DOCK1: variants seen among roughly 807,000 people sequenced by gnomAD.
DOCK1 encodes the protein dedicator of cytokinesis 1, also known as dedicator of cytokinesis protein 1.
Under a neutral mutation model 262.7 loss-of-function variants are expected in DOCK1, and 138 were observed. The observed-to-expected ratio is 0.53, with a 90% CI of 0.46 to 0.61. The LOEUF is 0.61. DOCK1 is among the 20% of genes least tolerant of loss of function. The pLI, the probability that DOCK1 is intolerant of heterozygous loss-of-function variation, is 0.00. For synonymous variants in DOCK1, 866 were observed against 867.4 expected, an observed-to-expected ratio of 1.00 and a Z score of 0.03; for missense variants, 1,908 against 2,370.7, an observed-to-expected ratio of 0.80 and a Z score of 4.05.
At chr10:127,093,413 A>G (rs1433260494) in intron 23 of DOCK1, among the ~76,000 whole-genome samples, 1 of 150,590 alleles carries the variant, frequency 6.6e-6, no homozygotes, top group African/African-American at 2.4e-5. Context: ...GTGCAGTGGC[A>G]TGATCTCAGC....
chr10:127,164,651 G>A (rs1364624187), intron 27 of DOCK1, among the ~76,000 whole-genome samples: 2 of 152,208 alleles, frequency 1.3e-5, no homozygotes, highest in Non-Finnish European at 2.9e-5. Context: ...CAAATACAGA[G>A]ATGAACACTA....
chr10:127,225,465 A>G (rs1381950615), intron 27 of DOCK1, among the ~76,000 whole-genome samples: 1 of 152,208 alleles, frequency 6.6e-6, no homozygotes, highest in Admixed American at 6.5e-5. Context: ...ATGACACAAC[A>G]TAGGTTGTAA....
At position 127,382,821 on chromosome 10, in the gene DOCK1, G is replaced by A. The variant is rs143514706; in HGVS notation, c.3807+1453G>A. Among the ~76,000 whole-genome samples the A allele has an allele frequency of 9.3e-4, 141 of 152,224 alleles. 1 individual carries two copies. The highest frequency in any genetic ancestry group is 3.1e-3 in the African/African-American group (127 of 41,530). On this transcript the variant is annotated intron_variant, in intron 37 of 51. Coordinates refer to ENST00000623213, the MANE Select transcript of DOCK1 (RefSeq NM_001290223.2). The stretch of plus-strand genomic sequence containing the variant: ...GTAAAACATATATATGTGCATAAAG[G>A]CATCATTTGTTTAATCATTGGATTT...
intron 29 of DOCK1, among the ~76,000 whole-genome samples, chr10:127,330,834 G>GTGAT (rs1282174312): frequency 6.6e-6 from 1 of 152,218 alleles, no homozygotes; most frequent in East Asian, 1.9e-4. Context: ...ACACACATGT[G>GTGAT]TGATTGAGCC....
At chr10:127,389,541 G>A (rs2066343905) in intron 38 of DOCK1, among the ~76,000 whole-genome samples, 1 of 152,200 alleles carries the variant, frequency 6.6e-6, no homozygotes, top group Non-Finnish European at 1.5e-5. Flanking sequence ...GGAGGGCCTT[G>A]ATTGGTGTGG....
rs765719247 is a variant in DOCK1 at position 127,439,256 on chromosome 10, G to C, written c.5259+31G>C. 6.3e-6 allele frequency: 10 copies of C among 1,584,572 alleles called. No homozygotes were observed. In the East Asian group the frequency reaches 2.3e-4, roughly 36 times the overall value. ...CCGACAGGGTATCTTTCCTCGCTCT[G>C]CGGTAGCTTCAGGGACCTACCTTTG... On this transcript the variant is annotated intron_variant, in intron 49 of 51. Transcript: ENST00000623213.
chr10:126,989,489 G>C (rs1339139905), intron 5 of DOCK1, among the ~76,000 whole-genome samples: 1 of 151,984 alleles, frequency 6.6e-6, no homozygotes, highest in Admixed American at 6.6e-5. Context: ...ACCATGCTCA[G>C]CTAATTTTTT....
chr10:127,048,112 C>T (rs181882281), intron 21 of DOCK1, among the ~76,000 whole-genome samples: 23 of 152,270 alleles, frequency 1.5e-4, no homozygotes, highest in African/African-American at 5.3e-4. Flanking sequence ...AAGGGTTGTA[C>T]CATATTGCAT....
chr10:127,327,340 G>C (rs529086847), intron 29 of DOCK1, among the ~76,000 whole-genome samples: 1 of 152,190 alleles, frequency 6.6e-6, no homozygotes, highest in Non-Finnish European at 1.5e-5. Context: ...GTCTTCTGGA[G>C]AACTTGCTGC....
chr10:127,090,129 T>C (rs1036605641), intron 23 of DOCK1, among the ~76,000 whole-genome samples: 2 of 152,248 alleles, frequency 1.3e-5, no homozygotes, highest in East Asian at 1.9e-4. Flanking sequence ...TCTGGCTTCC[T>C]GGGATTTTTT....
At chr10:126,948,715 G>A (rs917462598) in intron 1 of DOCK1, among the ~76,000 whole-genome samples, 2 of 151,944 alleles carry the variant, frequency 1.3e-5, no homozygotes, top group Non-Finnish European at 2.9e-5. Flanking sequence ...TGATGCGGGC[G>A]CCCAGCTGTG....
rs1425224820 is a variant in DOCK1, at chr10:127,175,913, T to C, written c.2847+48149T>C. 6.2e-7 allele frequency: 1 copy of C among 1,614,168 alleles called. No homozygotes were observed. Among genetic ancestry groups the C allele is most frequent in the Admixed American group, 1.7e-5 (1 of 60,008 alleles). ...TCTTGTGCACCCGCCCCGCGCCACA[T>C]GGCCGGGCCTCCTCCATGGGTCCAG... On this transcript the variant is annotated intron_variant, in intron 27 of 51. Coordinates refer to ENST00000623213, the MANE Select transcript of DOCK1 (RefSeq NM_001290223.2). This position sits in a 1 kb window ranked among gnomAD's most constrained non-coding sequence, Gnocchi z 6.3.
At position 126,938,756 on chromosome 10, in the gene DOCK1, G is replaced by A. The variant is rs888537733; in HGVS notation, c.47-31946G>A. On this transcript the variant is annotated intron_variant, in intron 1 of 51. Transcript: ENST00000623213. ...ACATTCTCCAGAGGGGATGAACACC[G>A]GAGGGGATGAAGACAGGAGGGGATG... Among the ~76,000 whole-genome samples the A allele has an allele frequency of 2.1e-4, 30 of 145,992 alleles. No individual in the cohort carries two copies. The East Asian group carries it at 5.1e-3, about 25-fold the overall frequency.
intron 6 of DOCK1, among the ~76,000 whole-genome samples, chr10:126,991,813 G>T (rs531320516): frequency 6.6e-6 from 1 of 152,246 alleles, no homozygotes; most frequent in South Asian, 2.1e-4. Flanking sequence ...ACATGCGAGA[G>T]CCACTGCTCC....
chr10:127,287,261 G>C (rs886591170), intron 29 of DOCK1, among the ~76,000 whole-genome samples: 3 of 150,572 alleles, frequency 2.0e-5, no homozygotes, highest in Non-Finnish European at 4.4e-5. Context: ...GGAGTGCAGT[G>C]ATGTGATCAT....
At chr10:127,413,330 A>G (rs2067969301) in intron 43 of DOCK1, among the ~76,000 whole-genome samples, 1 of 152,186 alleles carries the variant, frequency 6.6e-6, no homozygotes, top group Non-Finnish European at 1.5e-5. Flanking sequence ...GAAATCCCCT[A>G]ATGGCCCTGT....
At position 127,251,140 on chromosome 10, in the gene DOCK1, A is replaced by AT. The variant is rs1377672795; in HGVS notation, c.2949+3037dup. Among the ~76,000 whole-genome samples the AT allele has an allele frequency of 1.3e-4, 19 of 150,832 alleles. No individual in the cohort carries two copies. The East Asian group carries it at 3.6e-3, about 28-fold the overall frequency. On this transcript the variant is annotated intron_variant, in intron 28 of 51. Coordinates refer to ENST00000623213, the MANE Select transcript of DOCK1 (RefSeq NM_001290223.2). The stretch of plus-strand genomic sequence containing the variant: ...ACCACACCCGGCTAATTTTTTTTGT[A>AT]TTTTTTAGTAGAGATGGGGTTTCTC...
At chr10:127,202,294 G>C (rs2057500507) in intron 27 of DOCK1, among the ~76,000 whole-genome samples, 1 of 151,724 alleles carries the variant, frequency 6.6e-6, no homozygotes, top group Non-Finnish European at 1.5e-5. Context: ...TGGCATTCCA[G>C]CCTGGGTGAC....
intron 27 of DOCK1, among the ~76,000 whole-genome samples, chr10:127,194,642 C>T (rs936535277): frequency 2.0e-5 from 3 of 152,148 alleles, no homozygotes; most frequent in African/African-American, 7.2e-5. Context: ...ATCAAGTACC[C>T]AGCCAGCGCA....
Sources: gnomAD v4.1 joint callset for allele counts (sites outside exome capture counted in the v4.1 genomes callset) on GRCh38, gnomAD v4.1.1 for gene constraint, Gnocchi (gnomAD v3.1) non-coding constraint, MANE v1.5 for transcripts, NCBI Gene and HGNC (gene_info 2026-07-23, HGNC 2026-07-21) for gene names.